Variants in ERBB2 observed in about 807,000 individuals in gnomAD.
The protein encoded by ERBB2 is receptor tyrosine-protein kinase erbB-2.
In ERBB2, 61 loss-of-function variants were observed where a neutral mutation model predicts 149.0. The ratio of observed to expected loss-of-function variants is 0.41; its 90% CI spans 0.33 to 0.51. The LOEUF (loss-of-function observed/expected upper bound fraction) is 0.51, where lower values mean the gene tolerates loss of function less well. Ranked by LOEUF, ERBB2 falls within the 20% of genes least tolerant of loss-of-function variation. The pLI is 0.25. For missense variants in ERBB2, 1,205 were observed against 1,655.1 expected (o/e 0.73, Z 4.72); for synonymous variants, 633 against 678.8 (o/e 0.93, Z 1.05).
chr17:39,708,639 T>A, intron 3 of ERBB2, 105 bp downstream of exon 3: 1 of 864,692 alleles, frequency 1.2e-6, no homozygotes, highest in Non-Finnish European at 1.8e-6. Flanking sequence ...GTGTCCCTTC[T>A]GGGCAGACGC....
In ERBB2 at chr17:39,725,274, T is replaced by C. The variant is rs2145872001; in HGVS notation, c.2650-53T>C. On this transcript the variant is annotated intron_variant, in intron 21 of 26. Coordinates refer to ENST00000269571, the MANE Select transcript of ERBB2 (RefSeq NM_004448.4). The surrounding 1 kb of genome is among the most constrained non-coding windows in gnomAD (Gnocchi z 4.6). ...GTCTAGCCCATGGGAGAACTCTGAG[T>C]GGCCACCTCCCCACAACACACAGTT... 6.2e-7 allele frequency: 1 copy of C among 1,612,752 alleles called. No homozygotes were observed. Among genetic ancestry groups the C allele is most frequent in the East Asian group, 2.2e-5 (1 of 44,836 alleles).
rs2145807421 is a variant in ERBB2 at position 39,723,453 on chromosome 17, C to G, written c.2081C>G (p.Thr694Arg). Residue 694 changes from threonine (T) to arginine (R), a missense_variant, in exon 17 of 27, where the codon ACG becomes AGG. Transcript: ENST00000269571. The surrounding 1 kb of genome is among the most constrained non-coding windows in gnomAD (Gnocchi z 6.2). ...KYTMRRLLQE[T>R]ELVEPLTPSG... is the part of the protein sequence containing the mutation. ...ACGATGCGGAGACTGCTGCAGGAAA[C>G]GGAGGTGAGGCGGGGTGAAGTCCTC... 6.2e-7 allele frequency: 1 copy of G among 1,614,164 alleles called. No homozygotes were observed. The highest frequency in any genetic ancestry group is 2.2e-5 in the East Asian group (1 of 44,888).
At chr17:39,691,574 T>TATATATATATATATATATAC (rs1244087250), upstream of ERBB2, among the ~76,000 whole-genome samples, 1 of 122,048 alleles carries the variant, frequency 8.2e-6, no homozygotes, top group African/African-American at 4.0e-5. Context: ...TATATATATA[T>TATATATATATATATATATAC]ACACACACAC....
At chr17:39,709,952 G>A (rs1463679708) in intron 5 of ERBB2, 71 bp downstream of exon 5, 2 of 1,526,040 alleles carry the variant, frequency 1.3e-6, no homozygotes, top group Non-Finnish European at 1.8e-6. Flanking sequence ...GTGTCATACA[G>A]GTGACATGGG....
chr17:39,701,217 A>G (rs1399646882), intron 1 of ERBB2, among the ~76,000 whole-genome samples: 1 of 152,072 alleles, frequency 6.6e-6, no homozygotes, highest in Non-Finnish European at 1.5e-5. Context: ...AAAAGCTAAC[A>G]TATAGCCTGG....
At chr17:39,689,465 A>G (rs1161544224) in intron 2 of ERBB2, among the ~76,000 whole-genome samples, 1 of 152,044 alleles carries the variant, frequency 6.6e-6, no homozygotes, top group East Asian at 1.9e-4. Flanking sequence ...TTCTTTTACA[A>G]TACTGTTTTT....
At chr17:39,704,717 C>T (rs1414534972) in intron 1 of ERBB2, among the ~76,000 whole-genome samples, 2 of 152,030 alleles carry the variant, frequency 1.3e-5, no homozygotes, top group Non-Finnish European at 2.9e-5. Context: ...CCCTGGGAAC[C>T]GTTCTCAGGG....
rs755121772 is a variant in ERBB2, at chr17:39,715,855, G to C, written c.1429G>C (p.Val477Leu). Reference sequence around the variant, plus strand: ...CCACCATAACACCCACCTCTGCTTCGTGCACACGGTGCCCTGGGACCAGCT... The same window carrying C: ...CCACCATAACACCCACCTCTGCTTCCTGCACACGGTGCCCTGGGACCAGCT... ...LIHHNTHLCF[V>L]HTVPWDQLFR... Residue 477 changes from valine to leucine, a missense_variant, in exon 12 of 27, where the codon GTG (valine) becomes CTG (leucine). Coordinates refer to ENST00000269571, the MANE Select transcript of ERBB2 (RefSeq NM_004448.4). 1 of 1,612,602 alleles carries C rather than the reference G, an allele frequency of 6.2e-7. No individual in the cohort carries two copies. The highest frequency in any genetic ancestry group is 2.2e-5 in the East Asian group (1 of 44,884).
upstream of ERBB2, among the ~76,000 whole-genome samples, chr17:39,695,632 T>G (rs1252482935): frequency 6.6e-6 from 1 of 151,698 alleles, no homozygotes; most frequent in African/African-American, 2.4e-5. Context: ...TCCCGATTTC[T>G]GTTTGTTTTC....
rs1365318989 is a variant in ERBB2, at chr17:39,726,872, G to A, written c.3028G>A (p.Glu1010Lys). The A allele has an allele frequency of 1.2e-6, 2 of 1,614,012 alleles. No homozygotes were observed. Among genetic ancestry groups the A allele is most frequent in the Non-Finnish European group, 1.7e-6 (2 of 1,179,934 alleles). The change falls in exon 25 of 27, where the codon GAG (glutamate) becomes AAG (lysine). Residue 1010 changes from glutamate (E) to lysine (K), a missense_variant. By Grantham distance (56) the Glu-to-Lys change is moderately conservative. Coordinates refer to ENST00000269571, the MANE Select transcript of ERBB2 (RefSeq NM_004448.4). This position sits in a 1 kb window ranked among gnomAD's most constrained non-coding sequence, Gnocchi z 5.1. ...CAGCACCTTCTACCGCTCACTGCTGGAGGACGATGACATGGGGGACCTGGT... is the reference window on the plus strand; with the variant it reads ...CAGCACCTTCTACCGCTCACTGCTGAAGGACGATGACATGGGGGACCTGGT... ...LDSTFYRSLL[E>K]DDDMGDLVDA...
At chr17:39,698,779 C>T (rs1238033224), upstream of ERBB2, among the ~76,000 whole-genome samples, 3 of 152,080 alleles carry the variant, frequency 2.0e-5, no homozygotes, top group Non-Finnish European at 4.4e-5. Flanking sequence ...TCTCCAGTCC[C>T]TGATAGGTGC....
upstream of ERBB2, among the ~76,000 whole-genome samples, chr17:39,690,827 T>C (rs948540299): frequency 5.3e-5 from 8 of 151,830 alleles, no homozygotes; most frequent in Non-Finnish European, 1.2e-4. Flanking sequence ...ATTGTACTCA[T>C]GGGGGAAAAA....
upstream of ERBB2, among the ~76,000 whole-genome samples, chr17:39,692,215 G>A (rs768867423): frequency 3.3e-5 from 5 of 151,976 alleles, no homozygotes; most frequent in Non-Finnish European, 7.4e-5. Flanking sequence ...GTGTATGCAT[G>A]TGTATGTACA....
At chr17:39,722,329 C>A (rs2059495266) in intron 16 of ERBB2, among the ~76,000 whole-genome samples, 1 of 151,978 alleles carries the variant, frequency 6.6e-6, no homozygotes. Flanking sequence ...ATAGTGAGAC[C>A]CCATTTCTAC....
At position 39,717,324 on chromosome 17, in the gene ERBB2, C is replaced by T. The variant is rs2145706030; in HGVS notation, c.1742C>T (p.Ala581Val). The change falls in exon 15 of 27, where the codon GCT becomes GTT. Residue 581 changes from alanine to valine, a missense_variant. Coordinates refer to ENST00000269571, the MANE Select transcript of ERBB2 (RefSeq NM_004448.4). ...AATCTTTTCTGCCCCCCCCAGGAGG[C>T]TGACCAGTGTGTGGCCTGTGCCCAC... ...NGSVTCFGPEADQCVACAHYK... is the reference protein window; with the variant it reads ...NGSVTCFGPEVDQCVACAHYK... The T allele has an allele frequency of 6.2e-7, 1 of 1,607,958 alleles. No individual in the cohort carries two copies. The highest frequency in any genetic ancestry group is 8.5e-7 in the Non-Finnish European group (1 of 1,177,222).
upstream of ERBB2, among the ~76,000 whole-genome samples, chr17:39,693,063 A>G (rs1254760971): frequency 2.0e-5 from 3 of 152,198 alleles, no homozygotes; most frequent in African/African-American, 7.2e-5. Context: ...CTCTGTCTCA[A>G]AACAAAAACA....
At chr17:39,703,518 T>G (rs898607556) in intron 1 of ERBB2, 3 of 152,262 alleles carry the variant, frequency 2.0e-5, no homozygotes. Context: ...CCTCGTCATG[T>G]TTACAGATGG....
chr17:39,711,634 A>G (rs2058803961), intron 7 of ERBB2, among the ~76,000 whole-genome samples: 1 of 152,128 alleles, frequency 6.6e-6, no homozygotes, highest in African/African-American at 2.4e-5. Flanking sequence ...GAGAGGACAA[A>G]ATGTAGAGCC....
At chr17:39,721,261 CTTTTT>C (rs33957748) in intron 16 of ERBB2, among the ~76,000 whole-genome samples, 20 of 82,958 alleles carry the variant, frequency 2.4e-4, no homozygotes, top group African/African-American at 6.9e-4. Context: ...TGAGCCAAGT[CTTTTT>C]TTTTTTTTTT....
Sources: allele counts gnomAD v4.1 joint callset (sites outside exome capture counted in the v4.1 genomes callset), GRCh38; gene constraint gnomAD v4.1.1; non-coding constraint Gnocchi (gnomAD v3.1); transcripts MANE v1.5; gene names NCBI Gene and HGNC (gene_info 2026-07-23, HGNC 2026-07-21).